HDAC9: variants seen among roughly 807,000 people sequenced by gnomAD.
HDAC9 encodes MEF-2 interacting transcription repressor (MITR) protein.
A neutral mutation model predicts 139.4 loss-of-function variants in HDAC9; 41 were observed. The observed-to-expected ratio is 0.29, with a 90% CI of 0.23 to 0.38. HDAC9 has a LOEUF of 0.38. Among genes scored for constraint, HDAC9 ranks in the 10% least tolerant of loss-of-function variants. HDAC9 has a pLI of 1.00. For synonymous variants in HDAC9, 517 were observed against 476.2 expected, an observed-to-expected ratio of 1.09 and a Z score of -1.12; for missense variants, 1,147 against 1,297.0, an observed-to-expected ratio of 0.88 and a Z score of 1.78.
intron 1 of HDAC9, among the ~76,000 whole-genome samples, chr7:18,438,751 T>C (rs1393935165): frequency 6.6e-6 from 1 of 152,082 alleles, no homozygotes; most frequent in Non-Finnish European, 1.5e-5. Flanking sequence ...TGGAAAGATA[T>C]ACAGAAAAGT....
At chr7:18,573,369 A>G (rs933541412) in intron 2 of HDAC9, among the ~76,000 whole-genome samples, 1 of 152,370 alleles carries the variant, frequency 6.6e-6, no homozygotes, top group East Asian at 1.9e-4. Flanking sequence ...CTGCATTACT[A>G]AAGTCCAATT....
chr7:18,702,835 A>T (rs1377608048), intron 12 of HDAC9, among the ~76,000 whole-genome samples: 1 of 152,214 alleles, frequency 6.6e-6, no homozygotes, highest in Admixed American at 6.5e-5. Flanking sequence ...AACATTTAGT[A>T]AGCTGTTGTT....
intron 1 of HDAC9, among the ~76,000 whole-genome samples, chr7:18,339,565 C>G (rs1781843777): frequency 6.6e-6 from 1 of 151,292 alleles, no homozygotes; most frequent in Non-Finnish European, 1.5e-5. Flanking sequence ...ATATGTAGTT[C>G]AAAACTTTAT....
Position 18,320,668 on chromosome 7 carries a change from T to C in HDAC9, c.-42+30153T>C, listed in dbSNP as rs1260274641. On this transcript the variant is annotated intron_variant, in intron 1 of 3. Coordinates refer to the HDAC9 transcript ENST00000413509. Reference sequence around the variant, plus strand: ...TGGTATATGAGGAGGAAGGGATCTCTATTTTGGTAGATATAATTATGTCCT... The same window carrying C: ...TGGTATATGAGGAGGAAGGGATCTCCATTTTGGTAGATATAATTATGTCCT... Among the ~76,000 whole-genome samples the C allele has an allele frequency of 2.0e-5, 3 of 152,336 alleles. No homozygotes were observed. The East Asian group carries it at 5.8e-4, about 29-fold the overall frequency.
intron 22 of HDAC9, among the ~76,000 whole-genome samples, chr7:18,891,092 T>C (rs1800642092): frequency 6.6e-6 from 1 of 152,198 alleles, no homozygotes; most frequent in South Asian, 2.1e-4. Context: ...GCCAGCTCTG[T>C]TCATTTGTTT....
chr7:18,397,687 A>C (rs1187228496), intron 1 of HDAC9, among the ~76,000 whole-genome samples: 2 of 152,200 alleles, frequency 1.3e-5, no homozygotes, highest in African/African-American at 4.8e-5. Flanking sequence ...AGTGATTTTT[A>C]AACATTCTGC....
At chr7:18,879,914 T>C (rs190708202) in intron 22 of HDAC9, among the ~76,000 whole-genome samples, 36 of 152,236 alleles carry the variant, frequency 2.4e-4, no homozygotes, top group Non-Finnish European at 4.1e-4. Context: ...ACTATGCATC[T>C]GACAAAGGTC....
chr7:18,939,591 A>G (rs941487520), intron 23 of HDAC9, among the ~76,000 whole-genome samples: 1 of 152,188 alleles, frequency 6.6e-6, no homozygotes, highest in Admixed American at 6.5e-5. Flanking sequence ...ACTACACTGA[A>G]GTTTTAAATT....
chr7:18,599,251 A>G (rs1245557543), intron 6 of HDAC9, among the ~76,000 whole-genome samples: 1 of 152,216 alleles, frequency 6.6e-6, no homozygotes, highest in Non-Finnish European at 1.5e-5. Flanking sequence ...CTTTTTAAAT[A>G]TCTTGCATCA....
In HDAC9 at chr7:18,949,371, C is replaced by G. The variant is rs557256665; in HGVS notation, c.2938-4775C>G. 3.7e-4 allele frequency: 97 copies of G among 260,626 alleles called. 1 individual carries two copies. The Middle Eastern group carries it at 8.5e-3, about 23-fold the overall frequency. 16.1% of individuals were successfully genotyped at this position (260,626 alleles called of 1,614,324 possible). On this transcript the variant is annotated intron_variant, in intron 23 of 25. Transcript: ENST00000686413. ...ATATACTTAAGAGCTTTGCATCCTC[C>G]TCCTCTTCATCTTCTCACTGTGCAT...
rs1480346272 is a variant in HDAC9 at position 18,793,975 on chromosome 7, A to G, written c.2322+523A>G. Among the ~76,000 whole-genome samples, 5 of 152,166 alleles carry G rather than the reference A, an allele frequency of 3.3e-5. No homozygotes were observed. In the East Asian group the frequency reaches 7.7e-4, roughly 23 times the overall value. On this transcript the variant is annotated intron_variant, in intron 17 of 25. Transcript: ENST00000686413. Reference sequence around the variant, plus strand: ...GAACTTAAAAAATGAGCTATGCTTTATTGTTCTTTTCTTTTTATGGTCTCT... The same window carrying G: ...GAACTTAAAAAATGAGCTATGCTTTGTTGTTCTTTTCTTTTTATGGTCTCT...
intron 6 of HDAC9, among the ~76,000 whole-genome samples, chr7:18,621,133 CATA>C (rs1016067454): frequency 4.6e-5 from 7 of 151,860 alleles, no homozygotes; most frequent in African/African-American, 1.7e-4. Context: ...TGGGGAAAAA[CATA>C]ATAGATTTTT....
chr7:18,093,395 T>G (rs895965990), intron 1 of HDAC9, among the ~76,000 whole-genome samples: 3 of 152,288 alleles, frequency 2.0e-5, no homozygotes, highest in Admixed American at 1.3e-4. Context: ...GAAGTGGATG[T>G]CAGTGCTACA....
At chr7:18,488,826 T>C (rs1458182672) in intron 1 of HDAC9, among the ~76,000 whole-genome samples, 2 of 152,170 alleles carry the variant, frequency 1.3e-5, no homozygotes, top group East Asian at 3.9e-4. Context: ...CACATTGAGA[T>C]CATTTATGCT....
intron 1 of HDAC9, among the ~76,000 whole-genome samples, chr7:18,309,205 A>G (rs771382255): frequency 2.6e-5 from 4 of 152,032 alleles, no homozygotes; most frequent in Non-Finnish European, 4.4e-5. Flanking sequence ...CCCAAGGTAC[A>G]CTCGTCCTTG....
intron 12 of HDAC9, among the ~76,000 whole-genome samples, chr7:18,679,258 C>A (rs982367648): frequency 1.3e-5 from 2 of 151,818 alleles, no homozygotes; most frequent in African/African-American, 4.8e-5. Flanking sequence ...CAAATATTAA[C>A]TTTAAAGGCA....
chr7:18,817,880 C>G (rs1336207496), intron 17 of HDAC9, among the ~76,000 whole-genome samples: 7 of 152,180 alleles, frequency 4.6e-5, no homozygotes, highest in Non-Finnish European at 8.8e-5. Context: ...CATTAAGTAG[C>G]AAGGTAGATT....
chr7:18,523,333 A>G lies in HDAC9; in HGVS notation c.22+27009A>G, dbSNP rs983685202. On this transcript the variant is annotated intron_variant, in intron 2 of 25. Coordinates refer to ENST00000686413, the MANE Select transcript of HDAC9 (RefSeq NM_178425.4). ...TGTAATTATCACATAACCTCTAACT[A>G]TTAACTAGAAGTGCCCAGCAAGGAA... is the stretch of plus-strand genomic sequence containing the variant. Among the ~76,000 whole-genome samples, 7 of 152,228 alleles carry G rather than the reference A, an allele frequency of 4.6e-5. No individual in the cohort carries two copies. The South Asian group carries it at 1.4e-3, about 31-fold the overall frequency.
intron 6 of HDAC9, among the ~76,000 whole-genome samples, chr7:18,600,282 G>A (rs1833606759): frequency 6.6e-6 from 1 of 151,864 alleles, no homozygotes; most frequent in South Asian, 2.1e-4. Context: ...GTCTTTCACA[G>A]AACAGAAGAT....
Sources: gnomAD v4.1 joint callset for allele counts (sites outside exome capture counted in the v4.1 genomes callset) on GRCh38, gnomAD v4.1.1 for gene constraint, MANE v1.5 for transcripts, NCBI Gene and HGNC (gene_info 2026-07-23, HGNC 2026-07-21) for gene names.